Variants in OR2M4 observed in about 807,000 individuals in gnomAD.
OR2M4 encodes olfactory receptor 2M4.
A neutral mutation model predicts 13.7 loss-of-function variants in OR2M4; 8 were observed. The observed-to-expected ratio is 0.58, with a 90% CI of 0.34 to 1.05. The LOEUF is 1.05. Ranked by LOEUF, OR2M4 falls within the 50% of genes least tolerant of loss-of-function variation. The pLI, the probability that OR2M4 is intolerant of heterozygous loss-of-function variation, is 0.02. For missense variants in OR2M4, 374 were observed against 381.6 expected (o/e 0.98, Z 0.17); for synonymous variants, 152 against 141.3 (o/e 1.08, Z -0.53).
chr1:248,240,840 C>T lies in OR2M4; in HGVS notation c.*976C>T, dbSNP rs1350091925. On this transcript the variant is annotated 3_prime_UTR_variant, in exon 2 of 2. Coordinates refer to ENST00000641868, the MANE Select transcript of OR2M4 (RefSeq NM_017504.2). ...TGGGCTCTGGTGAGAAAGAACACAGCAATTGTGAGGCTTTGAGCTCAGTGC... is the reference window on the plus strand; with the variant it reads ...TGGGCTCTGGTGAGAAAGAACACAGTAATTGTGAGGCTTTGAGCTCAGTGC... The T allele has an allele frequency of 6.6e-6, 1 of 152,170 alleles. No homozygotes were observed. Among genetic ancestry groups the T allele is most frequent in the African/African-American group, 2.4e-5 (1 of 41,402 alleles). 9.4% of individuals were successfully genotyped at this position (152,170 alleles called of 1,614,324 possible).
In OR2M4 at chr1:248,240,645, T is replaced by C. The variant is rs1232809996; in HGVS notation, c.*781T>C. ...AGGACAGCAATTTAACAATAATCCA[T>C]ACACGAACAACACATTCATGAGAGC... On this transcript the variant is annotated 3_prime_UTR_variant, in exon 2 of 2. Coordinates refer to ENST00000641868, the MANE Select transcript of OR2M4 (RefSeq NM_017504.2). 1.3e-5 allele frequency: 2 copies of C among 152,180 alleles called. No homozygotes were observed. The highest frequency in any genetic ancestry group is 2.9e-5 in the Non-Finnish European group (2 of 68,040). 9.4% of individuals were successfully genotyped at this position (152,180 alleles called of 1,614,324 possible).
At position 248,240,257 on chromosome 1, in the gene OR2M4, T is replaced by A. The variant is rs956548992; in HGVS notation, c.*393T>A. On this transcript the variant is annotated 3_prime_UTR_variant, in exon 2 of 2. Transcript: ENST00000641868. ...ATTACTTACCTATTAGTACTTGTTT[T>A]TAATTTGCCCATCCTCAAACCCAAG... 1 of 154,880 alleles carries A rather than the reference T, an allele frequency of 6.5e-6. No homozygotes were observed. The highest frequency in any genetic ancestry group is 2.4e-5 in the African/African-American group (1 of 41,662). 9.6% of individuals were successfully genotyped at this position (154,880 alleles called of 1,614,324 possible).
chr1:248,235,018 A>G (rs1267759867), intron 1 of OR2M4, among the ~76,000 whole-genome samples: 1 of 151,754 alleles, frequency 6.6e-6, no homozygotes, highest in Non-Finnish European at 1.5e-5. Flanking sequence ...ATTAGACTCT[A>G]TTTTTCAATT....
At chr1:248,237,394 G>A (rs922426515) in intron 1 of OR2M4, among the ~76,000 whole-genome samples, 9 of 151,950 alleles carry the variant, frequency 5.9e-5, no homozygotes, top group Admixed American at 2.0e-4. Flanking sequence ...TGGCTCATGC[G>A]TGTAATCCCA....
chr1:248,242,805 A>G lies in OR2M4; in HGVS notation c.*2941A>G, dbSNP rs550739396. ...GAAACATTTTATGATATGAATCGATAATGATTTTGTACATTTGATTTTACA... is the reference window on the plus strand; with the variant it reads ...GAAACATTTTATGATATGAATCGATGATGATTTTGTACATTTGATTTTACA... On this transcript the variant is annotated 3_prime_UTR_variant, in exon 2 of 2. Coordinates refer to ENST00000641868, the MANE Select transcript of OR2M4 (RefSeq NM_017504.2). 1 of 152,348 alleles carries G rather than the reference A, an allele frequency of 6.6e-6. No homozygotes were observed. The highest frequency in any genetic ancestry group is 6.5e-5 in the Admixed American group (1 of 15,310). 9.4% of individuals were successfully genotyped at this position (152,348 alleles called of 1,614,324 possible). A position where few individuals can be genotyped will look rare whatever the true frequency, so the allele number is the denominator to read the frequency against.
At position 248,241,595 on chromosome 1, in the gene OR2M4, A is replaced by G. The variant is rs988808041; in HGVS notation, c.*1731A>G. ...GGCTAATTTTATCCTTAAAAAAAAT[A>G]ATTTCTGGGCCGGATGCAGTGGCTC... is the stretch of plus-strand genomic sequence containing the variant. On this transcript the variant is annotated 3_prime_UTR_variant, in exon 2 of 2. Coordinates refer to ENST00000641868, the MANE Select transcript of OR2M4 (RefSeq NM_017504.2). 7 of 152,304 alleles carry G rather than the reference A, an allele frequency of 4.6e-5. No homozygotes were observed. In the East Asian group the frequency reaches 1.2e-3, roughly 25 times the overall value. 9.4% of individuals were successfully genotyped at this position (152,304 alleles called of 1,614,324 possible). A position where few individuals can be genotyped will look rare whatever the true frequency, so the allele number is the denominator to read the frequency against.
At chr1:248,236,891 G>C (rs1666562491) in intron 1 of OR2M4, among the ~76,000 whole-genome samples, 1 of 152,096 alleles carries the variant, frequency 6.6e-6, no homozygotes, top group African/African-American at 2.4e-5. Context: ...GAATAGATCA[G>C]TAACAAGTTC....
At chr1:248,236,897 A>C (rs903328865) in intron 1 of OR2M4, among the ~76,000 whole-genome samples, 1 of 152,196 alleles carries the variant, frequency 6.6e-6, no homozygotes, top group African/African-American at 2.4e-5. Context: ...ATCAGTAACA[A>C]GTTCTGAAAT....
Position 248,238,240 on chromosome 1 carries a change from TATC to T in OR2M4, c.-19-669_-19-667del, listed in dbSNP as rs374157792. ...CACACAGAATTGGAAGGAAAAAAAT[TATC>T]CTCAGAAGATAAGTGAACGATTTAG... On this transcript the variant is annotated intron_variant, in intron 1 of 1. Coordinates refer to ENST00000641868, the MANE Select transcript of OR2M4 (RefSeq NM_017504.2). Among the ~76,000 whole-genome samples, 569 of 152,268 alleles carry T rather than the reference TATC, an allele frequency of 3.7e-3. 1 individual carries two copies. The highest frequency in any genetic ancestry group is 0.013 in the African/African-American group (536 of 41,530).
rs911543845 is a variant in OR2M4 at position 248,239,861 on chromosome 1, A to G, written c.933A>G (p.Ile311Met). The G allele has an allele frequency of 6.3e-7, 1 of 1,575,958 alleles. No individual in the cohort carries two copies. Residue 311 changes from isoleucine to methionine, a missense_variant, in exon 2 of 2, where the codon ATA becomes ATG. Ile to Met is a conservative substitution (Grantham distance 10). Coordinates refer to ENST00000641868, the MANE Select transcript of OR2M4 (RefSeq NM_017504.2). ...AGGTACTGAAGAAAAGAAAGTTAATATGACCTTATCAAAATCTTTTTGAGT... is the reference window on the plus strand; with the variant it reads ...AGGTACTGAAGAAAAGAAAGTTAATGTGACCTTATCAAAATCTTTTTGAGT... ...LQKVLKKRKLI is the reference protein window; with the variant it reads ...LQKVLKKRKLM
intron 1 of OR2M4, 76 bp from the exon 2 acceptor site, chr1:248,238,834 C>T (rs4130950): frequency 0.011 from 10,132 of 901,140 alleles, 316 homozygotes; most frequent in African/African-American, 0.093. Flanking sequence ...ATATAAACTG[C>T]CCAGTAGAGT....
intron 1 of OR2M4, 30 bp downstream of exon 1, chr1:248,231,610 G>A (rs1666503908): frequency 1.3e-5 from 2 of 151,968 alleles, no homozygotes; most frequent in Admixed American, 1.3e-4. Context: ...CTCTTTAAAA[G>A]AAAAAAAATT....
rs1298743979 is a variant in OR2M4 at position 248,241,346 on chromosome 1, C to G, written c.*1482C>G. 6.6e-6 allele frequency: 1 copy of G among 152,116 alleles called. No individual in the cohort carries two copies. Among genetic ancestry groups the G allele is most frequent in the Non-Finnish European group, 1.5e-5 (1 of 68,032 alleles). The allele number at this position is 152,116 out of a possible 1,614,324, so 9.4% of individuals were successfully genotyped here. Reference sequence around the variant, plus strand: ...GAGGCCCTTATTCCAGGACCTCCATCCCAGATGACATTTCTATATACACCC... The same window carrying G: ...GAGGCCCTTATTCCAGGACCTCCATGCCAGATGACATTTCTATATACACCC... On this transcript the variant is annotated 3_prime_UTR_variant, in exon 2 of 2. Coordinates refer to ENST00000641868, the MANE Select transcript of OR2M4 (RefSeq NM_017504.2).
chr1:248,239,603 C>T lies in OR2M4; in HGVS notation c.675C>T (p.Val225=), dbSNP rs1171836142. 6.2e-7 allele frequency: 1 copy of T among 1,614,062 alleles called. No individual in the cohort carries two copies. The highest frequency in any genetic ancestry group is 8.5e-7 in the Non-Finnish European group (1 of 1,180,044). ...ILSYSHVLRA[V]IHMGSGESRR... Reference sequence around the variant, plus strand: ...CCTATTCCCATGTCCTTCGAGCCGTCATCCACATGGGCTCTGGGGAAAGTC... The same window carrying T: ...CCTATTCCCATGTCCTTCGAGCCGTTATCCACATGGGCTCTGGGGAAAGTC... The change falls in exon 2 of 2, where the codon GTC becomes GTT. Residue 225 remains valine (V), a synonymous_variant. Coordinates refer to ENST00000641868, the MANE Select transcript of OR2M4 (RefSeq NM_017504.2).
intron 1 of OR2M4, among the ~76,000 whole-genome samples, chr1:248,236,471 A>C (rs879261458): frequency 1.3e-5 from 2 of 152,144 alleles, no homozygotes; most frequent in African/African-American, 4.8e-5. Context: ...AAAGATCTCA[A>C]ATTGACACCC....
intron 1 of OR2M4, among the ~76,000 whole-genome samples, chr1:248,237,828 C>G (rs1666574046): frequency 6.6e-6 from 1 of 152,218 alleles, no homozygotes; most frequent in Non-Finnish European, 1.5e-5. Context: ...ACGTTTCATA[C>G]AGTTGAGCCT....
At chr1:248,234,410 C>G (rs953195320) in intron 1 of OR2M4, among the ~76,000 whole-genome samples, 2 of 152,014 alleles carry the variant, frequency 1.3e-5, no homozygotes, top group Admixed American at 1.3e-4. Context: ...AGGTATTAAG[C>G]CTCACATGCA....
chr1:248,237,174 G>A (rs1391042072), intron 1 of OR2M4, among the ~76,000 whole-genome samples: 1 of 152,128 alleles, frequency 6.6e-6, no homozygotes, highest in Non-Finnish European at 1.5e-5. Flanking sequence ...TAAAATACTA[G>A]CAAACCAAAT....
rs1436195424 is a variant in OR2M4, at chr1:248,242,707, AAT to A, written c.*2844_*2845del. 2 of 152,218 alleles carry A rather than the reference AAT, an allele frequency of 1.3e-5. No individual in the cohort carries two copies. The highest frequency in any genetic ancestry group is 4.8e-5 in the African/African-American group (2 of 41,452). 9.4% of individuals were successfully genotyped at this position (152,218 alleles called of 1,614,324 possible). ...CATCACACCTTATGTGAAACAGGTAAATTTAGAACAACCAGAAAAGAAAGACT... is the reference window on the plus strand; with the variant it reads ...CATCACACCTTATGTGAAACAGGTAATTAGAACAACCAGAAAAGAAAGACT... On this transcript the variant is annotated 3_prime_UTR_variant, in exon 2 of 2. Transcript: ENST00000641868.
Sources: gnomAD v4.1 joint callset for allele counts (sites outside exome capture counted in the v4.1 genomes callset) on GRCh38, gnomAD v4.1.1 for gene constraint, MANE v1.5 for transcripts, NCBI Gene and HGNC (gene_info 2026-07-23, HGNC 2026-07-21) for gene names.